ZEB1: variants seen among roughly 807,000 people sequenced by gnomAD.
ZEB1 encodes zinc finger E-box binding homeobox 1, also known as zinc finger E-box-binding homeobox 1.
Under a neutral mutation model 84.9 loss-of-function variants are expected in ZEB1, and 21 were observed. The ratio of observed to expected loss-of-function variants is 0.25; its 90% CI spans 0.18 to 0.36. The LOEUF is 0.36. Among genes scored for constraint, ZEB1 ranks in the 10% least tolerant of loss-of-function variants. The pLI, the probability that ZEB1 is intolerant of heterozygous loss-of-function variation, is 1.00. For synonymous variants in ZEB1, 420 were observed against 471.1 expected, an observed-to-expected ratio of 0.89 and a Z score of 1.41; for missense variants, 1,104 against 1,330.2, an observed-to-expected ratio of 0.83 and a Z score of 2.65.
intron 1 of ZEB1, among the ~76,000 whole-genome samples, chr10:31,442,325 G>A (rs965179238): frequency 9.9e-5 from 15 of 151,782 alleles, no homozygotes; most frequent in Admixed American, 8.5e-4. Flanking sequence ...ACCAAACACT[G>A]TACGTTCTCA....
At chr10:31,381,600 T>C (rs1407388668) in intron 1 of ZEB1, 1 of 152,186 alleles carries the variant, frequency 6.6e-6, no homozygotes, top group Non-Finnish European at 1.5e-5. Context: ...AGAAGTCTCG[T>C]CCTACTAAAT....
chr10:31,319,256 A>G lies in ZEB1; in HGVS notation c.22A>G (p.Lys8Glu). ...GATCATGGCGGATGGCCCCAGGTGT[A>G]AGCGCAGAAAGCAGGCGAACCCGCG... is the stretch of plus-strand genomic sequence containing the variant. MADGPRC[K>E]RRKQANPRRN... is the part of the protein sequence containing the mutation. Residue 8 changes from lysine to glutamate, a missense_variant, in exon 1 of 9, where the codon AAG (lysine) becomes GAG (glutamate). This residue lies in a region of ZEB1 where 162 missense variants were observed against 184.5 expected (regional missense o/e 0.88). Coordinates refer to ENST00000424869, the MANE Select transcript of ZEB1 (RefSeq NM_001174096.2). The G allele has an allele frequency of 6.2e-7, 1 of 1,609,808 alleles. No individual in the cohort carries two copies. The highest frequency in any genetic ancestry group is 8.5e-7 in the Non-Finnish European group (1 of 1,178,604).
chr10:31,526,613 T>A (rs1402596878), intron 8 of ZEB1, 59 bp from the exon 9 acceptor site: 1 of 1,595,366 alleles, frequency 6.3e-7, no homozygotes, highest in Non-Finnish European at 8.5e-7. Context: ...CCAAAAACCG[T>A]ATAAGGATTT....
intron 1 of ZEB1, among the ~76,000 whole-genome samples, chr10:31,446,677 A>G (rs1049457927): frequency 1.3e-4 from 20 of 152,122 alleles, no homozygotes; most frequent in Admixed American, 1.3e-3. Flanking sequence ...GGTACCCAGT[A>G]GTCATTCAGG....
At chr10:31,500,389 G>A (rs771557043) in intron 3 of ZEB1, among the ~76,000 whole-genome samples, 1 of 151,988 alleles carries the variant, frequency 6.6e-6, no homozygotes, top group Non-Finnish European at 1.5e-5. Context: ...TTAAATAATA[G>A]GGAGGTCATT....
intron 5 of ZEB1, 43 bp from the exon 6 acceptor site, chr10:31,514,560 G>A: frequency 1.3e-6 from 2 of 1,551,430 alleles, no homozygotes; most frequent in South Asian, 1.1e-5. Flanking sequence ...TTAGTCTAAA[G>A]ATCTTTTGCT....
chr10:31,475,541 A>G (rs1039001895), intron 2 of ZEB1, among the ~76,000 whole-genome samples: 1 of 152,180 alleles, frequency 6.6e-6, no homozygotes, highest in Non-Finnish European at 1.5e-5. Context: ...AAAGGCAGCT[A>G]GAGACAAGTG....
chr10:31,344,885 A>C (rs1340520610), intron 1 of ZEB1, among the ~76,000 whole-genome samples: 1 of 152,166 alleles, frequency 6.6e-6, no homozygotes, highest in Non-Finnish European at 1.5e-5. Flanking sequence ...TTAGTGATTA[A>C]AGCTTAAGAT....
chr10:31,520,662 A>G lies in ZEB1; in HGVS notation c.1330A>G (p.Thr444Ala). Residue 444 changes from threonine (T) to alanine (A), a missense_variant, in exon 7 of 9, where the codon ACA becomes GCA. By Grantham distance (58) the Thr-to-Ala change is moderately conservative (BLOSUM62 0). Transcript: ENST00000424869. The surrounding 1 kb of genome is among the most constrained non-coding windows in gnomAD (Gnocchi z 5.1). ...QANLASKEQE[T>A]INASPIQQGG... is the part of the protein sequence containing the mutation. ...CAATCTTGCATCCAAAGAACAAGAA[A>G]CAATCAATGCTTCACCCATACAACA... 6.2e-7 allele frequency: 1 copy of G among 1,614,092 alleles called. No individual in the cohort carries two copies. Among genetic ancestry groups the G allele is most frequent in the Non-Finnish European group, 8.5e-7 (1 of 1,179,994 alleles).
intron 1 of ZEB1, among the ~76,000 whole-genome samples, chr10:31,446,960 G>C (rs999089615): frequency 1.6e-4 from 24 of 152,144 alleles, no homozygotes; most frequent in Middle Eastern, 3.4e-3. Flanking sequence ...TCAATTCCCT[G>C]GGTATCCTTG....
chr10:31,407,115 C>T (rs111925812), intron 1 of ZEB1, among the ~76,000 whole-genome samples: 12,226 of 150,410 alleles, frequency 0.081, 1,605 homozygotes, highest in African/African-American at 0.28. Context: ...ATTATTATAC[C>T]TTAAGTTTTA....
chr10:31,360,877 T>TA (rs2042921074), intron 1 of ZEB1: 1 of 1,171,240 alleles, frequency 8.5e-7, no homozygotes, highest in Non-Finnish European at 1.3e-6. Context: ...GTAGTGGCGT[T>TA]ACAGTGAGCT....
In ZEB1 at chr10:31,362,623, G is replaced by A. The variant is rs141698209; in HGVS notation, c.58+43331G>A. Reference sequence around the variant, plus strand: ...GACAGGGCGGGGGCCGGGCAGAGGCGCTCCTCACTGCCCAGATGGTGCGGT... The same window carrying A: ...GACAGGGCGGGGGCCGGGCAGAGGCACTCCTCACTGCCCAGATGGTGCGGT... On this transcript the variant is annotated intron_variant, in intron 1 of 8. Transcript: ENST00000424869. Among the ~76,000 whole-genome samples, 17 of 150,330 alleles carry A rather than the reference G, an allele frequency of 1.1e-4. 1 individual carries two copies. Among genetic ancestry groups the A allele is most frequent in the Middle Eastern group, 3.5e-3 (1 of 282 alleles).
At chr10:31,425,485 A>G (rs1440907703) in intron 1 of ZEB1, among the ~76,000 whole-genome samples, 1 of 152,104 alleles carries the variant, frequency 6.6e-6, no homozygotes, top group Non-Finnish European at 1.5e-5. Flanking sequence ...GGCCTCATAG[A>G]CAACAAAGGT....
At chr10:31,494,668 CAT>C (rs796553864) in intron 2 of ZEB1, among the ~76,000 whole-genome samples, 185 of 152,070 alleles carry the variant, frequency 1.2e-3, no homozygotes, top group African/African-American at 4.3e-3. Context: ...ATAATTATGA[CAT>C]ATACTCTGCT....
rs184740943 is a variant in ZEB1, at chr10:31,511,978, G to A, written c.687+1103G>A. 1.1e-4 allele frequency among the ~76,000 whole-genome samples: 16 copies of A among 152,224 alleles called. 1 individual carries two copies. The highest frequency in any genetic ancestry group is 3.9e-4 in the Admixed American group (6 of 15,286). ...GATTTTATAGGTTTATGGTCCATAA[G>A]CCCATGAAGGAGCACTTGAAACAGG... On this transcript the variant is annotated intron_variant, in intron 5 of 8. Transcript: ENST00000424869.
In ZEB1 at chr10:31,397,155, GTTT is replaced by G. The variant is rs898067735; in HGVS notation, c.59-63878_59-63876del. On this transcript the variant is annotated intron_variant, in intron 1 of 8. Coordinates refer to ENST00000424869, the MANE Select transcript of ZEB1 (RefSeq NM_001174096.2). ...AGCCTCCCGAGAAGCTTCATCTTGG[GTTT>G]TTTATTATTATTATTATTATTATTA... Among the ~76,000 whole-genome samples the G allele has an allele frequency of 7.0e-3, 850 of 121,464 alleles. 5 individuals carry two copies. Among genetic ancestry groups the G allele is most frequent in the African/African-American group, 0.023 (746 of 33,094 alleles). 79.7% of individuals were successfully genotyped at this position (121,464 alleles called of 152,430 possible). A position where few individuals can be genotyped will look rare whatever the true frequency, so the allele number is the denominator to read the frequency against.
chr10:31,353,089 A>G (rs1379839207), intron 1 of ZEB1, among the ~76,000 whole-genome samples: 4 of 152,212 alleles, frequency 2.6e-5, no homozygotes, highest in East Asian at 1.9e-4. Context: ...CTTAAGAGCT[A>G]TCAGCCACTG....
chr10:31,497,971 A>AGATAGATT lies in ZEB1; in HGVS notation c.322+2136_322+2137insAGATTGAT, dbSNP rs1406512992. Among the ~76,000 whole-genome samples, 17 of 149,600 alleles carry AGATAGATT rather than the reference A, an allele frequency of 1.1e-4. No homozygotes were observed. The South Asian group carries it at 1.5e-3, about 13-fold the overall frequency. ...TAGATAGATAGATAGATAGATAGAT[A>AGATAGATT]GATTTAAAAATATTCAGTGTTTATA... On this transcript the variant is annotated intron_variant, in intron 3 of 8. Coordinates refer to ENST00000424869, the MANE Select transcript of ZEB1 (RefSeq NM_001174096.2).
Sources: gnomAD v4.1 joint callset for allele counts (sites outside exome capture counted in the v4.1 genomes callset) on GRCh38, gnomAD v4.1.1 for gene constraint, gnomAD v4.1.1 regional missense constraint, Gnocchi (gnomAD v3.1) non-coding constraint, MANE v1.5 for transcripts, NCBI Gene and HGNC (gene_info 2026-07-23, HGNC 2026-07-21) for gene names.